The following SELENOF variants were observed in gnomAD, a reference collection of about 807,000 sequenced individuals.
The protein encoded by SELENOF is 15 kDa selenoprotein.
SELENOF carries 16 observed loss-of-function variants against 20.5 expected under a neutral mutation model. The observed-to-expected ratio is 0.78, with a 90% confidence interval of 0.53 to 1.19. The LOEUF is 1.19. Among genes scored for constraint, SELENOF ranks in the 50% most tolerant of loss-of-function variants. The pLI, the probability that SELENOF is intolerant of heterozygous loss-of-function variation, is 0.00. For missense variants in SELENOF, 215 were observed against 194.2 expected (o/e 1.11, Z -0.64); for synonymous variants, 78 against 74.5 (o/e 1.05, Z -0.24).
intron 3 of SELENOF, among the ~76,000 whole-genome samples, chr1:86,873,732 AT>A (rs1429184214): frequency 1.3e-5 from 2 of 151,630 alleles, no homozygotes; most frequent in African/African-American, 4.8e-5. Context: ...CATGCCTGTA[AT>A]CCCAGCTACT....
At chr1:86,872,143 CAA>C (rs1658788369) in intron 3 of SELENOF, among the ~76,000 whole-genome samples, 1 of 151,994 alleles carries the variant, frequency 6.6e-6, no homozygotes, top group African/African-American at 2.4e-5. Flanking sequence ...CAAATCTATT[CAA>C]AAGTTTAGTG....
chr1:86,895,561 T>C (rs1367325329), intron 2 of SELENOF, among the ~76,000 whole-genome samples: 1 of 152,216 alleles, frequency 6.6e-6, no homozygotes, highest in East Asian at 1.9e-4. Flanking sequence ...AATCAGGTAA[T>C]TTGTCCAAGA....
chr1:86,873,196 G>C (rs1295535694), intron 3 of SELENOF, among the ~76,000 whole-genome samples: 1 of 152,104 alleles, frequency 6.6e-6, no homozygotes, highest in Non-Finnish European at 1.5e-5. Context: ...GGCAGAGGTT[G>C]CAGTGAGCCG....
intron 2 of SELENOF, among the ~76,000 whole-genome samples, chr1:86,892,267 A>C (rs924262881): frequency 5.9e-5 from 9 of 152,176 alleles, no homozygotes; most frequent in African/African-American, 2.2e-4. Context: ...ACTGCTACTC[A>C]GGAGTCTTAG....
At chr1:86,877,436 T>C (rs1162395316) in intron 3 of SELENOF, among the ~76,000 whole-genome samples, 1 of 152,180 alleles carries the variant, frequency 6.6e-6, no homozygotes, top group East Asian at 1.9e-4. Flanking sequence ...TTAACTGAAA[T>C]GCATGGGACC....
intron 1 of SELENOF, among the ~76,000 whole-genome samples, chr1:86,905,192 A>G (rs987190403): frequency 6.6e-6 from 1 of 152,108 alleles, no homozygotes; most frequent in East Asian, 1.9e-4. Context: ...CTCACAACCA[A>G]TTAATATATT....
chr1:86,897,386 C>G (rs1282306338), intron 2 of SELENOF, among the ~76,000 whole-genome samples: 1 of 152,092 alleles, frequency 6.6e-6, no homozygotes, highest in African/African-American at 2.4e-5. Flanking sequence ...CAAAGTATCC[C>G]TAAGTGTTTT....
intron 1 of SELENOF, among the ~76,000 whole-genome samples, chr1:86,910,240 G>A (rs879334694): frequency 1.4e-4 from 21 of 152,194 alleles, no homozygotes; most frequent in Non-Finnish European, 2.5e-4. Context: ...GAATTCAATA[G>A]GCAGAGTTTG....
Position 86,863,257 on chromosome 1 carries a change from T to A in SELENOF, c.*217A>T. The A allele has an allele frequency of 2.4e-6, 1 of 410,696 alleles. No homozygotes were observed. The highest frequency in any genetic ancestry group is 4.3e-6 in the Non-Finnish European group (1 of 231,536). 25.4% of individuals were successfully genotyped at this position (410,696 alleles called of 1,614,324 possible). ...GCATTTTGTTAGTGGTATCAACAAA[T>A]GCAGGAGGATGGACATTTATAAAAA... On this transcript the variant is annotated 3_prime_UTR_variant, in exon 5 of 5. Transcript: ENST00000331835.
chr1:86,888,766 C>T (rs996253347), intron 2 of SELENOF, among the ~76,000 whole-genome samples: 85 of 152,304 alleles, frequency 5.6e-4, no homozygotes, highest in African/African-American at 1.9e-3. Context: ...CAGGTTCAAG[C>T]GATTCTCCTT....
At chr1:86,902,002 G>A (rs976826976) in intron 2 of SELENOF, among the ~76,000 whole-genome samples, 2 of 152,124 alleles carry the variant, frequency 1.3e-5, no homozygotes, top group Non-Finnish European at 2.9e-5. Context: ...TAGTAGTACA[G>A]CCCATAGAAC....
rs559336942 is a variant in SELENOF at position 86,902,888 on chromosome 1, A to ATT, written c.252+391_252+392dup. 1.8e-4 allele frequency among the ~76,000 whole-genome samples: 27 copies of ATT among 152,354 alleles called. No homozygotes were observed. The South Asian group carries it at 5.4e-3, about 30-fold the overall frequency. On this transcript the variant is annotated intron_variant, in intron 2 of 4. Coordinates refer to ENST00000331835, the MANE Select transcript of SELENOF (RefSeq NM_004261.5). Reference sequence around the variant, plus strand: ...TTCATGTTACAATTTATTGTAGACAATTAAGTGCCAGGTATTATGTGCTTT... The same window carrying ATT: ...TTCATGTTACAATTTATTGTAGACAATTTTAAGTGCCAGGTATTATGTGCTTT...
intron 2 of SELENOF, among the ~76,000 whole-genome samples, chr1:86,881,540 T>C (rs916207701): frequency 6.6e-6 from 1 of 152,218 alleles, no homozygotes; most frequent in African/African-American, 2.4e-5. Flanking sequence ...TCCATTTCAT[T>C]TCTTCTTGGT....
At chr1:86,907,030 C>G (rs1300855833) in intron 1 of SELENOF, among the ~76,000 whole-genome samples, 3 of 152,226 alleles carry the variant, frequency 2.0e-5, no homozygotes. Context: ...TGGTTTTATT[C>G]TGGCATTTAT....
At chr1:86,884,060 T>A (rs1461101143) in intron 2 of SELENOF, among the ~76,000 whole-genome samples, 1 of 152,188 alleles carries the variant, frequency 6.6e-6, no homozygotes, top group East Asian at 1.9e-4. Context: ...TCAAATAGCC[T>A]GTAACTTGAC....
At chr1:86,873,621 C>T (rs951486778) in intron 3 of SELENOF, among the ~76,000 whole-genome samples, 1 of 152,042 alleles carries the variant, frequency 6.6e-6, no homozygotes, top group Non-Finnish European at 1.5e-5. Context: ...GAGGCTGAGG[C>T]AGGCAGATCA....
chr1:86,900,016 T>C (rs564320886), intron 2 of SELENOF, among the ~76,000 whole-genome samples: 15 of 148,300 alleles, frequency 1.0e-4, no homozygotes, highest in African/African-American at 3.5e-4. Flanking sequence ...CACTCCTCAC[T>C]TCCTAGATGG....
At chr1:86,884,772 C>T (rs1659170933) in intron 2 of SELENOF, among the ~76,000 whole-genome samples, 1 of 152,174 alleles carries the variant, frequency 6.6e-6, no homozygotes, top group African/African-American at 2.4e-5. Flanking sequence ...AGTTGGTAGG[C>T]CTTTTTAAAA....
At chr1:86,870,692 A>G (rs1379997018) in intron 3 of SELENOF, among the ~76,000 whole-genome samples, 1 of 151,686 alleles carries the variant, frequency 6.6e-6, no homozygotes, top group East Asian at 1.9e-4. Context: ...ATCTCGGCGC[A>G]CTGCAAGCTC....
Sources: gnomAD v4.1 joint callset for allele counts (sites outside exome capture counted in the v4.1 genomes callset) on GRCh38, gnomAD v4.1.1 for gene constraint, MANE v1.5 for transcripts, NCBI Gene and HGNC (gene_info 2026-07-23, HGNC 2026-07-21) for gene names.